NF1: variants seen among roughly 807,000 people sequenced by gnomAD.
NF1 encodes the protein neurofibromin.
A neutral mutation model predicts 325.7 loss-of-function variants in NF1; 122 were observed. The ratio of observed to expected loss-of-function variants is 0.37; its 90% CI spans 0.32 to 0.44. NF1 has a LOEUF of 0.44. NF1 is among the 20% of genes least tolerant of loss of function. The probability of loss-of-function intolerance (pLI) is 1.00; values close to 1 mark genes in which losing one functional copy is unlikely to be tolerated. For missense variants in NF1, 2,140 were observed against 3,415.4 expected, an observed-to-expected ratio of 0.63 and a Z score of 9.31; for synonymous variants, 1,091 against 1,186.0, an observed-to-expected ratio of 0.92 and a Z score of 1.65.
At chr17:31,210,680 G>A (rs1243916689) in intron 12 of NF1, among the ~76,000 whole-genome samples, 1 of 152,152 alleles carries the variant, frequency 6.6e-6, no homozygotes, top group Non-Finnish European at 1.5e-5. Context: ...AAATTAAAAT[G>A]CCATATTAAG....
At chr17:31,165,846 T>G (rs2065836703) in intron 4 of NF1, among the ~76,000 whole-genome samples, 1 of 151,924 alleles carries the variant, frequency 6.6e-6, no homozygotes, top group African/African-American at 2.4e-5. Flanking sequence ...CGTGCCACCA[T>G]GCCCGGCTAG....
intron 36 of NF1, among the ~76,000 whole-genome samples, chr17:31,302,644 A>C (rs1293149843): frequency 1.3e-5 from 2 of 152,098 alleles, no homozygotes; most frequent in Non-Finnish European, 2.9e-5. Flanking sequence ...GTTCAAGACC[A>C]GCCTGGCCAA....
intron 36 of NF1, among the ~76,000 whole-genome samples, chr17:31,285,208 C>G (rs2068201198): frequency 6.8e-6 from 1 of 147,156 alleles, no homozygotes; most frequent in African/African-American, 2.5e-5. Context: ...ACCCGGCAGG[C>G]AGAGGTTGCA....
At chr17:31,361,267 A>G (rs535103660) in intron 57 of NF1, 3 of 153,482 alleles carry the variant, frequency 2.0e-5, no homozygotes, top group African/African-American at 7.2e-5. Flanking sequence ...CCATAAGCAT[A>G]TATATACCAA....
intron 30 of NF1, chr17:31,249,910 TAC>T (rs1248038462): frequency 2.1e-6 from 1 of 483,084 alleles, no homozygotes; most frequent in Non-Finnish European, 4.1e-6. Flanking sequence ...ATAAGGGAAA[TAC>T]ACAGTTATCA....
chr17:31,324,576 A>G (rs28437804), intron 36 of NF1, among the ~76,000 whole-genome samples: 56 of 151,776 alleles, frequency 3.7e-4, no homozygotes, highest in African/African-American at 1.3e-3. Flanking sequence ...TTTTATTATT[A>G]TTTTTTTAAG....
chr17:31,164,180 C>T (rs1198077651), intron 4 of NF1, among the ~76,000 whole-genome samples: 1 of 152,182 alleles, frequency 6.6e-6, no homozygotes, highest in Non-Finnish European at 1.5e-5. Context: ...ATTAGTTTCA[C>T]TATACCAGAT....
At chr17:31,252,197 G>A (rs1198670024) in intron 30 of NF1, 1 of 201,104 alleles carries the variant, frequency 5.0e-6, no homozygotes, top group Non-Finnish European at 1.0e-5. Flanking sequence ...CAGGCCTACA[G>A]TTTTGTTCTG....
intron 57 of NF1, among the ~76,000 whole-genome samples, chr17:31,373,319 G>A (rs2070680662): frequency 2.6e-5 from 4 of 152,204 alleles, no homozygotes; most frequent in African/African-American, 9.7e-5. Flanking sequence ...ACATGAATGA[G>A]GATGTGAATA....
chr17:31,228,976 C>A (rs779658168), intron 20 of NF1, 49 bp from the exon 21 acceptor site: 1 of 1,446,222 alleles, frequency 6.9e-7, no homozygotes, highest in South Asian at 1.3e-5. Context: ...TGTCAAGTCT[C>A]AACTAATTAA....
At position 31,260,383 on chromosome 17, in the gene NF1, T is replaced by C. The variant is rs746994734; in HGVS notation, c.4445T>C (p.Ile1482Thr). ...CATTTTTGAAGGTTTTTCCTTGATA[T>C]AGCATCTGATTGTCCTACAAGTGAT... is the stretch of plus-strand genomic sequence containing the variant. ...FDAARRFFLD[I>T]ASDCPTSDAV... The change falls in exon 34 of 58, where the codon ATA becomes ACA. Residue 1482 changes from isoleucine (I) to threonine (T), a missense_variant. This residue lies in a region of NF1 where 336 missense variants were observed against 399.0 expected (regional missense o/e 0.84). Transcript: ENST00000358273. 57 of 1,613,820 alleles carry C rather than the reference T, an allele frequency of 3.5e-5. No homozygotes were observed. Among genetic ancestry groups the C allele is most frequent in the East Asian group, 1.8e-4 (8 of 44,864 alleles).
rs9904891 is a variant in NF1, at chr17:31,174,346, T to C, written c.586+4349T>C. Among the ~76,000 whole-genome samples, 1,033 of 152,270 alleles carry C rather than the reference T, an allele frequency of 6.8e-3. 13 individuals are homozygous for C. Among genetic ancestry groups the C allele is most frequent in the African/African-American group, 0.024 (991 of 41,532 alleles). ...ATGACAAAGATAGGATGAAGGCACT[T>C]TCGTATGCTGCTTGGTGATAGCAGC... is the stretch of plus-strand genomic sequence containing the variant. On this transcript the variant is annotated intron_variant, in intron 5 of 57. Transcript: ENST00000358273.
chr17:31,139,702 A>G (rs773587823), intron 1 of NF1, among the ~76,000 whole-genome samples: 10 of 152,156 alleles, frequency 6.6e-5, no homozygotes, highest in Non-Finnish European at 1.3e-4. Context: ...GCCTGGGAAG[A>G]TGTATGTCTG....
At chr17:31,097,966 C>G (rs553988217) in intron 1 of NF1, among the ~76,000 whole-genome samples, 1 of 151,998 alleles carries the variant, frequency 6.6e-6, no homozygotes, top group African/African-American at 2.4e-5. Flanking sequence ...CTCGGCCTCC[C>G]GAAGTGCTGG....
intron 1 of NF1, chr17:31,138,588 A>G: frequency 7.3e-6 from 1 of 136,852 alleles, no homozygotes; most frequent in Non-Finnish European, 1.6e-5. Context: ...TAAAAATAGC[A>G]TTCTTTAGTT....
At chr17:31,096,209 A>G (rs1223024398) in intron 1 of NF1, among the ~76,000 whole-genome samples, 2 of 124,512 alleles carry the variant, frequency 1.6e-5, no homozygotes, top group East Asian at 2.7e-4. Flanking sequence ...AGTAAAGGGG[A>G]GAAGGGTGAA....
In NF1 at chr17:31,194,240, G is replaced by A. The variant is rs965358367; in HGVS notation, c.889-6182G>A. ...AATGAAATTCTGTATTTTGAGGCAC[G>A]TGGATTGAATTGGAGGACATTATAT... On this transcript the variant is annotated intron_variant, in intron 8 of 57. Coordinates refer to ENST00000358273, the MANE Select transcript of NF1 (RefSeq NM_001042492.3). Among the ~76,000 whole-genome samples, 4 of 152,104 alleles carry A rather than the reference G, an allele frequency of 2.6e-5. No homozygotes were observed. In the South Asian group the frequency reaches 6.2e-4, roughly 24 times the overall value.
Position 31,223,494 on chromosome 17 carries a change from T to TTAG in NF1, c.1776_1778dup (p.Ser593dup). On this transcript the variant is annotated inframe_insertion, in exon 16 of 58. Coordinates refer to ENST00000358273, the MANE Select transcript of NF1 (RefSeq NM_001042492.3). ...AAGAAATTAACTAGTCATCAAATGCTTAGTAGCACAGAAATTCTCAAGTGG... is the reference window on the plus strand; with the variant it reads ...AAGAAATTAACTAGTCATCAAATGCTTAGTAGTAGCACAGAAATTCTCAAGTGG... 1 of 1,612,778 alleles carries TTAG rather than the reference T, an allele frequency of 6.2e-7. No individual in the cohort carries two copies. Among genetic ancestry groups the TTAG allele is most frequent in the Non-Finnish European group, 8.5e-7 (1 of 1,178,974 alleles).
chr17:31,122,119 T>C (rs142631237), intron 1 of NF1, among the ~76,000 whole-genome samples: 313 of 152,280 alleles, frequency 2.1e-3, no homozygotes, highest in African/African-American at 7.1e-3. Context: ...GGTAGTGATA[T>C]AGAAGATGGA....
Sources: allele counts gnomAD v4.1 joint callset (sites outside exome capture counted in the v4.1 genomes callset), GRCh38; gene constraint gnomAD v4.1.1; regional missense constraint gnomAD v4.1.1; transcripts MANE v1.5; gene names NCBI Gene and HGNC (gene_info 2026-07-23, HGNC 2026-07-21).